KATNA1: variants seen among roughly 807,000 people sequenced by gnomAD.
KATNA1 encodes katanin p60 ATPase-containing subunit A1.
Under a neutral mutation model 62.6 loss-of-function variants are expected in KATNA1, and 42 were observed. The observed-to-expected ratio is 0.67, with a 90% CI of 0.52 to 0.87. The LOEUF (loss-of-function observed/expected upper bound fraction) is 0.87. Ranked by LOEUF, KATNA1 falls within the 40% of genes least tolerant of loss-of-function variation. KATNA1 has a pLI of 0.00. For missense variants in KATNA1, 498 were observed against 612.5 expected, an observed-to-expected ratio of 0.81 and a Z score of 1.97; for synonymous variants, 186 against 201.9, an observed-to-expected ratio of 0.92 and a Z score of 0.67.
Position 149,645,475 on chromosome 6 carries a change from GA to G in KATNA1, c.-14+2993del, listed in dbSNP as rs560522062. Among the ~76,000 whole-genome samples the G allele has an allele frequency of 6.4e-3, 937 of 146,492 alleles. 10 individuals are homozygous for G. The highest frequency in any genetic ancestry group is 0.017 in the East Asian group (86 of 4,940). ...AAAAAACAAAAAAAAAAAAAAGAAA[GA>G]AAAAAAAGCTGACTGACTCAGTGTA... On this transcript the variant is annotated intron_variant, in intron 1 of 10. Transcript: ENST00000367411.
chr6:149,638,397 T>C lies in KATNA1; in HGVS notation c.151A>G (p.Lys51Glu). ...YSVKDTYLQQ[K>E]WQQVWQEINV... ...GCCATTACTCTCACCTGTTGCCATT[T>C]CTGCTGGAGGTATGTATCTTTGACT... The change falls in exon 2 of 11, where the codon AAA becomes GAA. Residue 51 changes from lysine to glutamate, a missense_variant. By Grantham distance (56) the Lys-to-Glu change is moderately conservative (BLOSUM62 1). This residue lies in a region of KATNA1 where 203 missense variants were observed against 198.4 expected (regional missense o/e 1.02). Transcript: ENST00000367411. The C allele has an allele frequency of 6.2e-7, 1 of 1,612,214 alleles. No homozygotes were observed. The highest frequency in any genetic ancestry group is 8.5e-7 in the Non-Finnish European group (1 of 1,179,546).
intron 2 of KATNA1, among the ~76,000 whole-genome samples, chr6:149,637,772 T>G (rs9689294): frequency 6.6e-6 from 1 of 152,162 alleles, no homozygotes; most frequent in East Asian, 1.9e-4. Context: ...ATCGTGCCAC[T>G]GCACTCCACC....
chr6:149,608,210 C>T (rs1041488175), intron 4 of KATNA1, among the ~76,000 whole-genome samples: 6 of 152,184 alleles, frequency 3.9e-5, no homozygotes, highest in African/African-American at 1.4e-4. Context: ...AGCATTTCTT[C>T]TGCTAAACAG....
At chr6:149,633,764 C>G (rs966359031) in intron 2 of KATNA1, among the ~76,000 whole-genome samples, 2 of 150,408 alleles carry the variant, frequency 1.3e-5, no homozygotes, top group African/African-American at 2.5e-5. Flanking sequence ...AAAATCCAGG[C>G]TAACTAAATC....
intron 1 of KATNA1, among the ~76,000 whole-genome samples, chr6:149,646,597 C>A (rs537314511): frequency 6.6e-6 from 1 of 152,112 alleles, no homozygotes; most frequent in Non-Finnish European, 1.5e-5. Flanking sequence ...ATTTTTCTTA[C>A]CTTTATAACC....
At chr6:149,637,113 T>C (rs1401993602) in intron 2 of KATNA1, among the ~76,000 whole-genome samples, 1 of 152,030 alleles carries the variant, frequency 6.6e-6, no homozygotes, top group East Asian at 1.9e-4. Context: ...TAAAGTTCTA[T>C]TATACAAGGA....
At position 149,623,089 on chromosome 6, in the gene KATNA1, C is replaced by A; in HGVS notation, c.501+14G>T. 10 of 1,522,082 alleles carry A rather than the reference C, an allele frequency of 6.6e-6. No individual in the cohort carries two copies. The highest frequency in any genetic ancestry group is 8.9e-6 in the Non-Finnish European group (10 of 1,124,070). 94.3% of individuals were successfully genotyped at this position (1,522,082 alleles called of 1,614,324 possible). On this transcript the variant is annotated intron_variant, in intron 4 of 10. Coordinates refer to ENST00000367411, the MANE Select transcript of KATNA1 (RefSeq NM_007044.4). ...AAAAATAACTTTCATTTATAAAAAT[C>A]AATTAACATTTACCTTTTCCTCTCT... is the stretch of plus-strand genomic sequence containing the variant.
intron 4 of KATNA1, among the ~76,000 whole-genome samples, chr6:149,606,303 C>T (rs1322935904): frequency 2.0e-5 from 3 of 151,990 alleles, no homozygotes; most frequent in Admixed American, 1.3e-4. Context: ...CCTAGAGATG[C>T]TATATAAAAA....
At chr6:149,610,892 T>G (rs1433630597) in intron 4 of KATNA1, among the ~76,000 whole-genome samples, 1 of 152,042 alleles carries the variant, frequency 6.6e-6, no homozygotes, top group Non-Finnish European at 1.5e-5. Context: ...TGAGACCAGC[T>G]TGGCCAACGT....
intron 1 of KATNA1, among the ~76,000 whole-genome samples, chr6:149,645,742 AG>A (rs1780461679): frequency 6.6e-6 from 1 of 152,238 alleles, no homozygotes; most frequent in Middle Eastern, 3.2e-3. Flanking sequence ...ACTTACTTAG[AG>A]TAAGCAAGAT....
chr6:149,644,349 G>A (rs1229378893), intron 1 of KATNA1, among the ~76,000 whole-genome samples: 1 of 152,014 alleles, frequency 6.6e-6, no homozygotes, highest in Non-Finnish European at 1.5e-5. Context: ...AGTCAGGCAT[G>A]GTGGTTCACG....
intron 3 of KATNA1, 77 bp from the exon 4 acceptor site, chr6:149,623,360 T>A: frequency 9.5e-7 from 1 of 1,047,586 alleles, no homozygotes; most frequent in East Asian, 2.6e-5. Context: ...AAGTTAAGAG[T>A]CTATGAACTA....
At chr6:149,646,770 C>T (rs1370740226) in intron 1 of KATNA1, among the ~76,000 whole-genome samples, 3 of 152,078 alleles carry the variant, frequency 2.0e-5, no homozygotes, top group African/African-American at 7.2e-5. Context: ...ATTATTAAAA[C>T]GTAATTTAAA....
At chr6:149,625,433 A>G (rs932246627) in intron 3 of KATNA1, among the ~76,000 whole-genome samples, 1 of 152,186 alleles carries the variant, frequency 6.6e-6, no homozygotes, top group African/African-American at 2.4e-5. Flanking sequence ...GTTCGAGACC[A>G]GCCTGGCCAA....
chr6:149,619,075 T>A (rs926227632), intron 4 of KATNA1, among the ~76,000 whole-genome samples: 58 of 152,062 alleles, frequency 3.8e-4, no homozygotes, highest in Admixed American at 3.4e-3. Context: ...TGCAAACTAT[T>A]CATCTGACAA....
intron 8 of KATNA1, 26 bp downstream of exon 8, chr6:149,598,198 G>A (rs1420299806): frequency 6.2e-7 from 1 of 1,612,640 alleles, no homozygotes; most frequent in East Asian, 2.2e-5. Context: ...TCCCGTCCCT[G>A]TTCAACTCAA....
chr6:149,646,517 A>G (rs1780493107), intron 1 of KATNA1, among the ~76,000 whole-genome samples: 2 of 152,342 alleles, frequency 1.3e-5, no homozygotes, highest in African/African-American at 2.4e-5. Context: ...GCTAATTTAT[A>G]GTCAGCCACT....
intron 7 of KATNA1, among the ~76,000 whole-genome samples, chr6:149,601,218 TGAC>T (rs1778531924): frequency 6.6e-6 from 1 of 152,138 alleles, no homozygotes; most frequent in African/African-American, 2.4e-5. Context: ...AGATCGGAGG[TGAC>T]CTAAGTTCCA....
Position 149,642,192 on chromosome 6 carries a change from C to T in KATNA1, c.-13-3632G>A, listed in dbSNP as rs191272261. On this transcript the variant is annotated intron_variant, in intron 1 of 10. Transcript: ENST00000367411. Reference sequence around the variant, plus strand: ...CTGGGATTACAGGCATGAGCCTATGCGCCTGGCCGAGAGACCTCTTTTATT... The same window carrying T: ...CTGGGATTACAGGCATGAGCCTATGTGCCTGGCCGAGAGACCTCTTTTATT... Among the ~76,000 whole-genome samples the T allele has an allele frequency of 6.4e-3, 982 of 152,276 alleles. 10 individuals are homozygous for T. Among genetic ancestry groups the T allele is most frequent in the African/African-American group, 0.022 (932 of 41,558 alleles).
Sources: gnomAD v4.1 joint callset for allele counts (sites outside exome capture counted in the v4.1 genomes callset) on GRCh38, gnomAD v4.1.1 for gene constraint, gnomAD v4.1.1 regional missense constraint, MANE v1.5 for transcripts, NCBI Gene and HGNC (gene_info 2026-07-23, HGNC 2026-07-21) for gene names.